The following IL1RAPL2 variants were observed in gnomAD, a reference collection of about 807,000 sequenced individuals.
The protein encoded by IL1RAPL2 is X-linked interleukin-1 receptor accessory protein-like 2.
IL1RAPL2 carries 3 observed loss-of-function variants against 44.1 expected under a neutral mutation model. The observed-to-expected ratio is 0.07, with a 90% CI of 0.03 to 0.18. The LOEUF (loss-of-function observed/expected upper bound fraction) is 0.18. Among genes scored for constraint, IL1RAPL2 ranks in the 10% least tolerant of loss-of-function variants. The pLI is 1.00. For synonymous variants in IL1RAPL2, 181 were observed against 178.8 expected, an observed-to-expected ratio of 1.01 and a Z score of -0.10; for missense variants, 391 against 496.4, an observed-to-expected ratio of 0.79 and a Z score of 2.02.
chrX:104,574,662 G>A (rs2147989764), intron 1 of IL1RAPL2, among the ~76,000 whole-genome samples: 1 of 112,120 alleles, frequency 8.9e-6, no homozygotes, highest in South Asian at 3.7e-4. Context: ...GGCTCTAATA[G>A]TGTATTGACT....
At chrX:105,184,396 TTA>T (rs782814663) in intron 2 of IL1RAPL2, among the ~76,000 whole-genome samples, 12 of 109,701 alleles carry the variant, frequency 1.1e-4, no homozygotes, top group East Asian at 8.5e-4. Flanking sequence ...ATAAATGTAA[TTA>T]TATATATTTA....
At chrX:104,998,319 C>T (rs1040869812) in intron 2 of IL1RAPL2, among the ~76,000 whole-genome samples, 2 of 110,740 alleles carry the variant, frequency 1.8e-5, no homozygotes, top group East Asian at 5.8e-4. Context: ...GGCAGAAGGC[C>T]CATTGGAGTG....
At chrX:105,510,502 G>A (rs1465839961) in intron 6 of IL1RAPL2, among the ~76,000 whole-genome samples, 1 of 111,731 alleles carries the variant, frequency 9.0e-6, no homozygotes, top group Non-Finnish European at 1.9e-5. Context: ...CCCATGTGGT[G>A]GATACAGTAA....
chrX:104,993,119 G>A (rs2030692453), intron 2 of IL1RAPL2, among the ~76,000 whole-genome samples: 1 of 111,233 alleles, frequency 9.0e-6, no homozygotes. Flanking sequence ...AATGTATTCA[G>A]CCGAGAGAGT....
chrX:104,909,534 C>A (rs1180850578), intron 2 of IL1RAPL2, among the ~76,000 whole-genome samples: 2 of 111,517 alleles, frequency 1.8e-5, no homozygotes, highest in African/African-American at 6.5e-5. Context: ...TGTGGATGTC[C>A]TTTCTGTTTG....
chrX:105,591,199 T>C (rs375075759), intron 6 of IL1RAPL2, among the ~76,000 whole-genome samples: 35 of 110,153 alleles, frequency 3.2e-4, no homozygotes, highest in African/African-American at 1.0e-3. Context: ...TTTATGTGCA[T>C]AGAGGTGTTT....
chrX:105,478,944 T>C (rs989013962), intron 5 of IL1RAPL2, among the ~76,000 whole-genome samples: 1 of 112,132 alleles, frequency 8.9e-6, no homozygotes, highest in East Asian at 2.8e-4. Context: ...GACATACCCA[T>C]GTAATGTGAG....
Position 105,185,559 on chromosome X carries a change from G to C in IL1RAPL2, c.83-9916G>C, listed in dbSNP as rs1377510422. Among the ~76,000 whole-genome samples, 4 of 111,512 alleles carry C rather than the reference G, an allele frequency of 3.6e-5. No homozygotes were observed. In the East Asian group the frequency reaches 1.1e-3, roughly 32 times the overall value. On this transcript the variant is annotated intron_variant, in intron 2 of 10. Transcript: ENST00000372582. ...AGCACCTTCATTTCTTTAAGGAGTAGAAACTGGCTTTCCTTAAATTGGGTA... is the reference window on the plus strand; with the variant it reads ...AGCACCTTCATTTCTTTAAGGAGTACAAACTGGCTTTCCTTAAATTGGGTA...
At chrX:105,138,583 C>T (rs1253886828) in intron 2 of IL1RAPL2, among the ~76,000 whole-genome samples, 1 of 109,319 alleles carries the variant, frequency 9.1e-6, no homozygotes, top group Admixed American at 9.8e-5. Flanking sequence ...GGTTGGGAAA[C>T]TGGAAGGAGA....
intron 2 of IL1RAPL2, among the ~76,000 whole-genome samples, chrX:104,764,839 C>T (rs1932530212): frequency 4.5e-5 from 5 of 112,021 alleles, no homozygotes; most frequent in South Asian, 7.3e-4. Flanking sequence ...TTCATTCTGT[C>T]GATATGTTGT....
chrX:104,571,086 T>C (rs1203237682), intron 1 of IL1RAPL2, among the ~76,000 whole-genome samples: 1 of 111,239 alleles, frequency 9.0e-6, no homozygotes, highest in Non-Finnish European at 1.9e-5. Flanking sequence ...TGCCCTGAAT[T>C]CTGTCTCTAG....
chrX:105,548,371 G>A (rs1409426499), intron 6 of IL1RAPL2, among the ~76,000 whole-genome samples: 1 of 111,325 alleles, frequency 9.0e-6, no homozygotes, highest in Non-Finnish European at 1.9e-5. Flanking sequence ...CTTACTTGAA[G>A]AAGTGGCATA....
chrX:105,180,382 A>T (rs1252133683), intron 2 of IL1RAPL2, among the ~76,000 whole-genome samples: 1 of 111,476 alleles, frequency 9.0e-6, no homozygotes, highest in Non-Finnish European at 1.9e-5. Context: ...GAAAAAAAGA[A>T]AAAAGTGGGT....
At chrX:104,714,845 G>A (rs188758521) in intron 2 of IL1RAPL2, among the ~76,000 whole-genome samples, 16 of 111,208 alleles carry the variant, frequency 1.4e-4, no homozygotes, top group African/African-American at 4.6e-4. Context: ...TGATCATAGT[G>A]AATAAGCTTT....
rs1212939624 is a variant in IL1RAPL2, at chrX:104,704,299, G to A, written c.82+45304G>A. On this transcript the variant is annotated intron_variant, in intron 2 of 10. Coordinates refer to ENST00000372582, the MANE Select transcript of IL1RAPL2 (RefSeq NM_017416.2). ...GGCATAATCAAGCAGCACAAAAGTGGCCAGTGTGGCTGGAACACAGGGACT... is the reference window on the plus strand; with the variant it reads ...GGCATAATCAAGCAGCACAAAAGTGACCAGTGTGGCTGGAACACAGGGACT... 4.5e-5 allele frequency among the ~76,000 whole-genome samples: 5 copies of A among 111,593 alleles called. No homozygotes were observed. The East Asian group carries it at 1.1e-3, about 25-fold the overall frequency.
chrX:104,804,766 G>A (rs376630114), intron 2 of IL1RAPL2, among the ~76,000 whole-genome samples: 4 of 112,198 alleles, frequency 3.6e-5, no homozygotes, highest in African/African-American at 1.3e-4. Context: ...TATTCATTAA[G>A]CAACCACTCT....
At chrX:105,042,072 C>T (rs1288058106) in intron 2 of IL1RAPL2, among the ~76,000 whole-genome samples, 1 of 111,009 alleles carries the variant, frequency 9.0e-6, no homozygotes, top group Non-Finnish European at 1.9e-5. Context: ...ATATAAAAAT[C>T]AATTCAAGAT....
At chrX:104,828,206 A>T (rs1921508838) in intron 2 of IL1RAPL2, among the ~76,000 whole-genome samples, 1 of 111,684 alleles carries the variant, frequency 9.0e-6, no homozygotes, top group African/African-American at 3.2e-5. Flanking sequence ...GACAAGAGGC[A>T]TTTTGGTTTT....
intron 2 of IL1RAPL2, among the ~76,000 whole-genome samples, chrX:104,989,315 A>G: frequency 8.9e-6 from 1 of 111,779 alleles, no homozygotes; most frequent in East Asian, 2.8e-4. Context: ...AGTCCCAAAG[A>G]GAGACTGAAT....
Sources: gnomAD v4.1 joint callset for allele counts (sites outside exome capture counted in the v4.1 genomes callset) on GRCh38, gnomAD v4.1.1 for gene constraint, MANE v1.5 for transcripts, NCBI Gene and HGNC (gene_info 2026-07-23, HGNC 2026-07-21) for gene names.